LINGO2: variants seen among roughly 807,000 people sequenced by gnomAD.
The protein encoded by LINGO2 is leucine-rich repeat and immunoglobulin-like domain-containing nogo receptor-interacting protein 2.
LINGO2 carries 14 observed loss-of-function variants against 30.6 expected under a neutral mutation model. That is an observed-to-expected ratio of 0.46 (90% CI 0.30 to 0.72). The LOEUF is 0.72. Among genes scored for constraint, LINGO2 ranks in the 30% least tolerant of loss-of-function variants. LINGO2 has a pLI of 0.07. For synonymous variants in LINGO2, 317 were observed against 288.5 expected (o/e 1.10, Z -1.00); for missense variants, 729 against 751.7 (o/e 0.97, Z 0.35).
chr9:29,003,059 A>G, the LINGO2 span, among the ~76,000 whole-genome samples: 1 of 152,040 alleles, frequency 6.6e-6, no homozygotes, highest in African/African-American at 2.4e-5. Context: ...AAATACGGAT[A>G]GAAAATGGAG....
chr9:28,661,348 C>A (rs1467952316), intron 1 of LINGO2, among the ~76,000 whole-genome samples: 1 of 152,108 alleles, frequency 6.6e-6, no homozygotes, highest in Admixed American at 6.6e-5. Context: ...CCTGGAGTAG[C>A]CAGCCTTGGC....
At chr9:28,656,505 A>G (rs1306443260) in intron 1 of LINGO2, among the ~76,000 whole-genome samples, 1 of 152,084 alleles carries the variant, frequency 6.6e-6, no homozygotes, top group Non-Finnish European at 1.5e-5. Context: ...AAAACGCATA[A>G]CTGAATCTAA....
At chr9:29,063,479 T>G in the LINGO2 span, among the ~76,000 whole-genome samples, 2 of 151,916 alleles carry the variant, frequency 1.3e-5, no homozygotes, top group Non-Finnish European at 2.9e-5. Context: ...CTAGGCTTAC[T>G]GCAACCTCTG....
the LINGO2 span, among the ~76,000 whole-genome samples, chr9:29,155,594 G>GA: frequency 6.8e-6 from 1 of 147,096 alleles, no homozygotes; most frequent in Non-Finnish European, 1.5e-5. Context: ...AATAAATGAG[G>GA]AAAAAAAGAA....
chr9:28,514,783 TCAA>T (rs1417509292), intron 1 of LINGO2, among the ~76,000 whole-genome samples: 2 of 152,176 alleles, frequency 1.3e-5, no homozygotes, highest in African/African-American at 4.8e-5. Context: ...GTGGCTACAC[TCAA>T]CAACAGATTT....
At chr9:28,333,523 TTTC>T (rs1277207313) in intron 3 of LINGO2, among the ~76,000 whole-genome samples, 3 of 152,118 alleles carry the variant, frequency 2.0e-5, no homozygotes, top group Non-Finnish European at 4.4e-5. Context: ...AAGATACATT[TTTC>T]TTCTTCTTCT....
chr9:29,038,218 G>A, the LINGO2 span, among the ~76,000 whole-genome samples: 7 of 151,942 alleles, frequency 4.6e-5, no homozygotes, highest in South Asian at 4.1e-4. Context: ...TGGTTGTATC[G>A]GTTATACTCC....
At position 28,552,335 on chromosome 9, in the gene LINGO2, A is replaced by T. The variant is rs147652612; in HGVS notation, c.-364-76310T>A. On this transcript the variant is annotated intron_variant, in intron 1 of 5. Coordinates refer to ENST00000379992, the Ensembl canonical transcript of LINGO2. The stretch of plus-strand genomic sequence containing the variant: ...GCTAAAACATCTTCCAGTAACATTA[A>T]GAAAATAACTGCACGGGAGATAAAA... Among the ~76,000 whole-genome samples the T allele has an allele frequency of 5.8e-3, 889 of 152,152 alleles. 3 individuals carry two copies. Among genetic ancestry groups the T allele is most frequent in the Admixed American group, 0.012 (186 of 15,264 alleles).
At chr9:28,811,633 T>C in the LINGO2 span, among the ~76,000 whole-genome samples, 3 of 152,144 alleles carry the variant, frequency 2.0e-5, no homozygotes, top group Non-Finnish European at 2.9e-5. Flanking sequence ...TACTAATTTC[T>C]ACCTTGTGTT....
intron 2 of LINGO2, among the ~76,000 whole-genome samples, chr9:28,402,838 A>G (rs924225484): frequency 6.6e-6 from 1 of 152,088 alleles, no homozygotes; most frequent in African/African-American, 2.4e-5. Flanking sequence ...TTTCAACAGG[A>G]TAGTTCCCAA....
intron 1 of LINGO2, among the ~76,000 whole-genome samples, chr9:28,637,317 T>C (rs1013353730): frequency 2.6e-5 from 4 of 152,196 alleles, no homozygotes; most frequent in African/African-American, 9.6e-5. Flanking sequence ...TCTTTTTTGG[T>C]TGCATATGAA....
At chr9:28,053,285 G>A (rs1824762242) in intron 4 of LINGO2, among the ~76,000 whole-genome samples, 1 of 152,036 alleles carries the variant, frequency 6.6e-6, no homozygotes, top group East Asian at 1.9e-4. Context: ...CAGCAACACA[G>A]GCTAACTGGG....
intron 4 of LINGO2, among the ~76,000 whole-genome samples, chr9:28,214,590 C>T (rs1234078063): frequency 2.0e-5 from 3 of 151,436 alleles, no homozygotes; most frequent in Non-Finnish European, 4.4e-5. Flanking sequence ...ATTTTCTTTC[C>T]CATTAGCCTG....
At chr9:27,979,884 A>G (rs1820773628) in intron 5 of LINGO2, among the ~76,000 whole-genome samples, 1 of 152,050 alleles carries the variant, frequency 6.6e-6, no homozygotes, top group African/African-American at 2.4e-5. Flanking sequence ...AATGTAAATG[A>G]TAACTGAGAA....
In LINGO2 at chr9:28,264,228, C is replaced by T. The variant is rs181216951; in HGVS notation, c.-87+30980G>A. Among the ~76,000 whole-genome samples, 20 of 151,938 alleles carry T rather than the reference C, an allele frequency of 1.3e-4. No individual in the cohort carries two copies. In the East Asian group the frequency reaches 2.3e-3, roughly 18 times the overall value. Reference sequence around the variant, plus strand: ...CTATAAAGTCTCATATTTTTCGCTACGCCCTCTATTAAACAGAACTGCCAA... The same window carrying T: ...CTATAAAGTCTCATATTTTTCGCTATGCCCTCTATTAAACAGAACTGCCAA... On this transcript the variant is annotated intron_variant, in intron 4 of 5. Transcript: ENST00000379992.
chr9:28,376,112 G>A (rs1224090228), intron 2 of LINGO2, among the ~76,000 whole-genome samples: 1 of 149,264 alleles, frequency 6.7e-6, no homozygotes, highest in South Asian at 2.1e-4. Flanking sequence ...TGTAATAAAC[G>A]GACAAGTGCA....
intron 4 of LINGO2, among the ~76,000 whole-genome samples, chr9:28,088,083 T>A (rs905804511): frequency 2.0e-5 from 3 of 151,970 alleles, no homozygotes; most frequent in Admixed American, 6.6e-5. Context: ...CATTAACTAA[T>A]TTCGGATAAG....
At chr9:28,300,299 C>A (rs2134204933) in intron 3 of LINGO2, among the ~76,000 whole-genome samples, 1 of 152,176 alleles carries the variant, frequency 6.6e-6, no homozygotes. Context: ...GCAAAATACT[C>A]ATTTGATATC....
intron 4 of LINGO2, among the ~76,000 whole-genome samples, chr9:28,012,903 A>G (rs1256910203): frequency 6.6e-6 from 1 of 152,196 alleles, no homozygotes; most frequent in Non-Finnish European, 1.5e-5. Context: ...TTTGGACAGC[A>G]GCAGAATCAC....
Sources: allele counts gnomAD v4.1 joint callset (sites outside exome capture counted in the v4.1 genomes callset), GRCh38; gene constraint gnomAD v4.1.1; transcripts MANE v1.5; gene names NCBI Gene and HGNC (gene_info 2026-07-23, HGNC 2026-07-21).